Variants in PTPRZ1 observed in about 807,000 individuals in gnomAD.
PTPRZ1 encodes protein tyrosine phosphatase receptor type Z1, also known as receptor-type tyrosine-protein phosphatase zeta.
In PTPRZ1, 82 loss-of-function variants were observed where a neutral mutation model predicts 214.1. That is an observed-to-expected ratio of 0.38 (90% CI 0.32 to 0.46). PTPRZ1 has a LOEUF of 0.46. PTPRZ1 is among the 20% of genes least tolerant of loss of function. PTPRZ1 has a pLI of 1.00. For synonymous variants in PTPRZ1, 945 were observed against 987.9 expected, an observed-to-expected ratio of 0.96 and a Z score of 0.81; for missense variants, 2,603 against 2,748.7, an observed-to-expected ratio of 0.95 and a Z score of 1.19.
chr7:121,994,398 C>T (rs1274435915), intron 8 of PTPRZ1, among the ~76,000 whole-genome samples: 1 of 148,896 alleles, frequency 6.7e-6, no homozygotes, highest in African/African-American at 2.5e-5. Flanking sequence ...GGGTTCACGC[C>T]ATTCTCCTGC....
intron 1 of PTPRZ1, among the ~76,000 whole-genome samples, chr7:121,885,167 T>G (rs372412877): frequency 1.1e-4 from 16 of 152,308 alleles, no homozygotes; most frequent in Middle Eastern, 6.8e-3. Context: ...AAGCAAAATG[T>G]GTATGTTAAA....
chr7:121,886,287 A>C (rs1480079886), intron 1 of PTPRZ1, among the ~76,000 whole-genome samples: 1 of 152,148 alleles, frequency 6.6e-6, no homozygotes, highest in Non-Finnish European at 1.5e-5. Context: ...GGATCTGTAG[A>C]CTGGAGTTTA....
intron 8 of PTPRZ1, among the ~76,000 whole-genome samples, chr7:121,986,738 A>G (rs1797772688): frequency 6.6e-6 from 1 of 152,200 alleles, no homozygotes; most frequent in Admixed American, 6.5e-5. Flanking sequence ...GGCAGAACTA[A>G]CTAGAAAAAC....
chr7:122,014,547 T>C (rs977543098), intron 12 of PTPRZ1, among the ~76,000 whole-genome samples: 9 of 152,166 alleles, frequency 5.9e-5, no homozygotes, highest in South Asian at 4.1e-4. Context: ...CACGCCATTC[T>C]CCTGCCTCAG....
intron 2 of PTPRZ1, among the ~76,000 whole-genome samples, chr7:121,936,959 G>A (rs948635615): frequency 6.6e-6 from 1 of 152,172 alleles, no homozygotes; most frequent in East Asian, 1.9e-4. Flanking sequence ...GCCACATAGT[G>A]TTTTGTTCAG....
chr7:122,000,702 T>TATATATG (rs1798297116), intron 10 of PTPRZ1, among the ~76,000 whole-genome samples: 1 of 121,064 alleles, frequency 8.3e-6, no homozygotes, highest in Non-Finnish European at 1.7e-5. Context: ...TATATATATA[T>TATATATG]TTGAGGTGGA....
At chr7:121,875,162 A>C (rs557650514) in intron 1 of PTPRZ1, among the ~76,000 whole-genome samples, 1 of 152,296 alleles carries the variant, frequency 6.6e-6, no homozygotes, top group East Asian at 1.9e-4. Flanking sequence ...GAATGTTTTA[A>C]TGACCCCAAA....
chr7:122,012,054 G>A lies in PTPRZ1; in HGVS notation c.3008G>A (p.Ser1003Asn), dbSNP rs374440604. 3 of 1,614,132 alleles carry A rather than the reference G, an allele frequency of 1.9e-6. No individual in the cohort carries two copies. Among genetic ancestry groups the A allele is most frequent in the Non-Finnish European group, 2.5e-6 (3 of 1,180,050 alleles). ...DGEWSGASSD[S>N]EFLLPDTDGL... ...GAATGGTCTGGAGCCTCTTCTGATA[G>A]TGAATTTCTTTTACCTGACACAGAT... The change falls in exon 12 of 30, where the codon AGT becomes AAT. Residue 1003 changes from serine to asparagine, a missense_variant. Transcript: ENST00000393386.
At chr7:121,970,961 T>C (rs1797226589) in intron 3 of PTPRZ1, among the ~76,000 whole-genome samples, 1 of 152,224 alleles carries the variant, frequency 6.6e-6, no homozygotes, top group Admixed American at 6.5e-5. Context: ...ATTTAATCCA[T>C]CTTGAATTAA....
intron 11 of PTPRZ1, among the ~76,000 whole-genome samples, chr7:122,008,036 A>C (rs1257526004): frequency 5.9e-5 from 9 of 152,116 alleles, no homozygotes; most frequent in African/African-American, 2.2e-4. Flanking sequence ...TAGAACGCAT[A>C]TGTATCTGAT....
chr7:121,976,929 A>G, intron 6 of PTPRZ1, 78 bp downstream of exon 6: 1 of 1,236,416 alleles, frequency 8.1e-7, no homozygotes, highest in East Asian at 2.5e-5. Context: ...GACAAAAGTC[A>G]CTTGTTCCAA....
chr7:121,963,282 A>G (rs553282507), intron 2 of PTPRZ1, among the ~76,000 whole-genome samples: 9 of 152,342 alleles, frequency 5.9e-5, no homozygotes, highest in African/African-American at 1.7e-4. Context: ...TGAGAGAGAA[A>G]GAAGTCAGGA....
chr7:122,051,935 T>C lies in PTPRZ1; in HGVS notation c.6248T>C (p.Ile2083Thr). 6.3e-7 allele frequency: 1 copy of C among 1,599,248 alleles called. No homozygotes were observed. Among genetic ancestry groups the C allele is most frequent in the Non-Finnish European group, 8.5e-7 (1 of 1,175,674 alleles). The change falls in exon 25 of 30, where the codon ATC becomes ACC. Residue 2083 changes from isoleucine (I) to threonine (T), a missense_variant. Around this residue, in one of 6 missense-constraint regions of PTPRZ1, gnomAD observed 134 missense variants for 183.3 expected, o/e 0.73. Transcript: ENST00000393386. ...ACAGACTACATCAATGCCTCCTATA[T>C]CATGGTAAGTCAGAGAAGTCACTGA... ...EGTDYINASY[I>T]MGYYQSNEFI...
intron 8 of PTPRZ1, among the ~76,000 whole-genome samples, chr7:121,985,700 C>T (rs148126325): frequency 6.6e-6 from 1 of 152,182 alleles, no homozygotes. Flanking sequence ...CTTCTGTCCC[C>T]CTAAGTCTGG....
chr7:121,882,126 C>T (rs766378520), intron 1 of PTPRZ1, among the ~76,000 whole-genome samples: 14 of 152,116 alleles, frequency 9.2e-5, no homozygotes, highest in Non-Finnish European at 1.8e-4. Context: ...CAAATAACTC[C>T]TTTAATATAC....
chr7:121,991,035 G>A (rs1459134644), intron 8 of PTPRZ1, among the ~76,000 whole-genome samples: 1 of 152,132 alleles, frequency 6.6e-6, no homozygotes, highest in Non-Finnish European at 1.5e-5. Context: ...AGACCTTAAA[G>A]TTCAGTAGAC....
chr7:121,981,590 A>G, intron 6 of PTPRZ1, among the ~76,000 whole-genome samples: 1 of 152,204 alleles, frequency 6.6e-6, no homozygotes, highest in Non-Finnish European at 1.5e-5. Context: ...TGACCAAGGT[A>G]TTGCTATTGG....
At chr7:121,921,428 A>G (rs1482096496) in intron 1 of PTPRZ1, among the ~76,000 whole-genome samples, 1 of 152,152 alleles carries the variant, frequency 6.6e-6, no homozygotes, top group Admixed American at 6.5e-5. Flanking sequence ...AAATAAGCAT[A>G]TGTAAGAAAT....
intron 2 of PTPRZ1, among the ~76,000 whole-genome samples, chr7:121,945,403 C>A (rs1796342053): frequency 6.6e-6 from 1 of 152,126 alleles, no homozygotes; most frequent in South Asian, 2.1e-4. Context: ...ACATGTAGAT[C>A]AACAGCTACT....
Sources: gnomAD v4.1 joint callset for allele counts (sites outside exome capture counted in the v4.1 genomes callset) on GRCh38, gnomAD v4.1.1 for gene constraint, gnomAD v4.1.1 regional missense constraint, MANE v1.5 for transcripts, NCBI Gene and HGNC (gene_info 2026-07-23, HGNC 2026-07-21) for gene names.